The following IREB2 variants were observed in gnomAD, a reference collection of about 807,000 sequenced individuals.
IREB2 encodes iron-responsive element-binding protein 2.
In IREB2, 39 loss-of-function variants were observed where a neutral mutation model predicts 118.8. That is an observed-to-expected ratio of 0.33 (90% CI 0.25 to 0.43). The LOEUF is 0.43. Ranked by LOEUF, IREB2 falls within the 20% of genes least tolerant of loss-of-function variation. The probability of loss-of-function intolerance (pLI) is 1.00; values close to 1 mark genes in which losing one functional copy is unlikely to be tolerated. For missense variants in IREB2, 900 were observed against 1,147.3 expected, an observed-to-expected ratio of 0.78 and a Z score of 3.11; for synonymous variants, 372 against 392.2, an observed-to-expected ratio of 0.95 and a Z score of 0.61.
chr15:78,447,802 C>G (rs2050956556), intron 2 of IREB2, among the ~76,000 whole-genome samples: 1 of 152,090 alleles, frequency 6.6e-6, no homozygotes, highest in African/African-American at 2.4e-5. Flanking sequence ...CATCTGTTTT[C>G]TGCCTTCTCC....
rs776076291 is a variant in IREB2, at chr15:78,462,963, G to A, written c.148G>A (p.Val50Ile). 6.2e-7 allele frequency: 1 copy of A among 1,613,024 alleles called. No homozygotes were observed. The highest frequency in any genetic ancestry group is 1.1e-5 in the South Asian group (1 of 90,866). Reference sequence around the variant, plus strand: ...AATACGGGTCTTGTTGGAAGCTGCTGTACGAAATTGTGATGGCTTTTTAAT... The same window carrying A: ...AATACGGGTCTTGTTGGAAGCTGCTATACGAAATTGTGATGGCTTTTTAAT... Reference protein sequence around the residue: ...YSIRVLLEAAVRNCDGFLMKK... With the variant: ...YSIRVLLEAAIRNCDGFLMKK... The change falls in exon 3 of 22, where the codon GTA (valine) becomes ATA (isoleucine). Residue 50 changes from valine (V) to isoleucine (I), a missense_variant. By Grantham distance (29) the Val-to-Ile change is conservative. Transcript: ENST00000258886.
chr15:78,469,957 G>T (rs536281795), intron 5 of IREB2, among the ~76,000 whole-genome samples: 2 of 152,198 alleles, frequency 1.3e-5, no homozygotes, highest in African/African-American at 4.8e-5. Flanking sequence ...AATTATTTTT[G>T]TCTCTTAGTT....
At chr15:78,479,694 G>A (rs2141503669) in intron 10 of IREB2, among the ~76,000 whole-genome samples, 1 of 152,024 alleles carries the variant, frequency 6.6e-6, no homozygotes, top group Non-Finnish European at 1.5e-5. Flanking sequence ...GCAAAATTCC[G>A]CTATTAAAGG....
Position 78,465,241 on chromosome 15 carries a change from T to A in IREB2, c.273-10T>A, listed in dbSNP as rs1249848448. 1 of 1,598,040 alleles carries A rather than the reference T, an allele frequency of 6.3e-7. No individual in the cohort carries two copies. The highest frequency in any genetic ancestry group is 1.3e-5 in the African/African-American group (1 of 74,268). ...TTTGGACTATAATTTGACCATTCTT[T>A]ATTTTTTAGTGGAATACCAGCAATG... On this transcript the variant is annotated splice_polypyrimidine_tract_variant and intron_variant, in intron 3 of 21. Transcript: ENST00000258886.
chr15:78,498,816 G>A lies in IREB2; in HGVS notation c.*673G>A, dbSNP rs964935280. On this transcript the variant is annotated 3_prime_UTR_variant, in exon 22 of 22. Transcript: ENST00000258886. Reference sequence around the variant, plus strand: ...ACTGATTGTGTGGCACCATGTATTAGCAGTGGGAATATGTATCACATATGA... The same window carrying A: ...ACTGATTGTGTGGCACCATGTATTAACAGTGGGAATATGTATCACATATGA... 1 of 152,192 alleles carries A rather than the reference G, an allele frequency of 6.6e-6. No individual in the cohort carries two copies. Among genetic ancestry groups the A allele is most frequent in the African/African-American group, 2.4e-5 (1 of 41,438 alleles). 9.4% of individuals were successfully genotyped at this position (152,192 alleles called of 1,614,324 possible).
At chr15:78,484,414 G>A (rs2051624971) in intron 11 of IREB2, among the ~76,000 whole-genome samples, 1 of 152,068 alleles carries the variant, frequency 6.6e-6, no homozygotes, top group Admixed American at 6.6e-5. Context: ...AATCTTCGGG[G>A]TCATTTTAAC....
chr15:78,472,026 T>TATA, intron 7 of IREB2, 102 bp downstream of exon 7: 3 of 812,442 alleles, frequency 3.7e-6, no homozygotes, highest in Non-Finnish European at 3.6e-6. Context: ...TCTTTGAGGC[T>TATA]CTGTGTTTTT....
chr15:78,487,691 T>G lies in IREB2; in HGVS notation c.1710-42T>G. 3.9e-6 allele frequency: 4 copies of G among 1,018,010 alleles called. No homozygotes were observed. In the East Asian group the frequency reaches 9.5e-5, roughly 24 times the overall value. 63.1% of individuals were successfully genotyped at this position (1,018,010 alleles called of 1,614,324 possible). On this transcript the variant is annotated intron_variant, in intron 13 of 21. Transcript: ENST00000258886. ...ATAAGACTTGTCCTTTCTCTATAAATGTTGTGATGTGCTATTCAGTCACTT... is the reference window on the plus strand; with the variant it reads ...ATAAGACTTGTCCTTTCTCTATAAAGGTTGTGATGTGCTATTCAGTCACTT...
At chr15:78,493,108 A>G (rs138228705) in intron 18 of IREB2, among the ~76,000 whole-genome samples, 2 of 152,206 alleles carry the variant, frequency 1.3e-5, no homozygotes, top group Non-Finnish European at 2.9e-5. Flanking sequence ...TGTGATTTAC[A>G]AGAACAGAAG....
chr15:78,470,614 C>A lies in IREB2; in HGVS notation c.699+13C>A, dbSNP rs2051359224. On this transcript the variant is annotated intron_variant, in intron 6 of 21. Transcript: ENST00000258886. ...TCAGTTTTTTAAGGTATAAATGATT[C>A]AGGGAAATTTTTGTATTGTAATATA... is the stretch of plus-strand genomic sequence containing the variant. The A allele has an allele frequency of 6.7e-7, 1 of 1,494,214 alleles. No homozygotes were observed. The highest frequency in any genetic ancestry group is 9.2e-7 in the Non-Finnish European group (1 of 1,092,268). The allele number at this position is 1,494,214 out of a possible 1,614,324, so 92.6% of individuals were successfully genotyped here.
At chr15:78,451,603 A>C (rs1369864885) in intron 2 of IREB2, among the ~76,000 whole-genome samples, 5 of 152,208 alleles carry the variant, frequency 3.3e-5, no homozygotes, top group African/African-American at 1.2e-4. Context: ...CTACAGGTTG[A>C]GTATCCCTAA....
chr15:78,457,607 A>G (rs2051127221), intron 2 of IREB2, among the ~76,000 whole-genome samples: 1 of 151,950 alleles, frequency 6.6e-6, no homozygotes, highest in Non-Finnish European at 1.5e-5. Context: ...GATTTCCTAA[A>G]CTTTGTTTCT....
At chr15:78,459,164 C>T (rs1378519829) in intron 2 of IREB2, among the ~76,000 whole-genome samples, 1 of 152,086 alleles carries the variant, frequency 6.6e-6, no homozygotes, top group Non-Finnish European at 1.5e-5. Context: ...AATTGTCAGC[C>T]ATTTATCAGC....
chr15:78,464,632 G>A (rs1436707186), intron 3 of IREB2, among the ~76,000 whole-genome samples: 1 of 152,132 alleles, frequency 6.6e-6, no homozygotes, highest in Non-Finnish European at 1.5e-5. Context: ...CACCTAGGCT[G>A]GAGTGTAGTG....
Position 78,498,752 on chromosome 15 carries a change from G to T in IREB2, c.*609G>T, listed in dbSNP as rs117082176. 386 of 152,422 alleles carry T rather than the reference G, an allele frequency of 2.5e-3. No homozygotes were observed. The highest frequency in any genetic ancestry group is 4.3e-3 in the Non-Finnish European group (292 of 68,058). 9.4% of individuals were successfully genotyped at this position (152,422 alleles called of 1,614,324 possible). On this transcript the variant is annotated 3_prime_UTR_variant, in exon 22 of 22. Coordinates refer to ENST00000258886, the MANE Select transcript of IREB2 (RefSeq NM_004136.4). ...AATCATTCTGTCCAATCCAGCCAAG[G>T]TTCCCTCCACATATGAAGATGGACC... is the stretch of plus-strand genomic sequence containing the variant.
intron 2 of IREB2, among the ~76,000 whole-genome samples, chr15:78,457,229 A>G (rs1475357208): frequency 6.6e-6 from 1 of 151,110 alleles, no homozygotes; most frequent in Non-Finnish European, 1.5e-5. Context: ...TCTATTGGTT[A>G]TTTTTTTTTC....
At chr15:78,444,261 A>G (rs1408826454) in intron 2 of IREB2, among the ~76,000 whole-genome samples, 6 of 152,160 alleles carry the variant, frequency 3.9e-5, no homozygotes, top group Non-Finnish European at 7.3e-5. Context: ...TGGAGAAATC[A>G]GTGGTGTCTC....
At chr15:78,438,208 AT>A (rs1567157902), upstream of IREB2, 2 of 722,922 alleles carry the variant, frequency 2.8e-6, no homozygotes, top group Non-Finnish European at 2.5e-6. Context: ...CTCTCGCGAT[AT>A]TTGCGCGAGC....
intron 18 of IREB2, among the ~76,000 whole-genome samples, chr15:78,493,433 T>C (rs1196613925): frequency 2.0e-5 from 3 of 152,198 alleles, no homozygotes; most frequent in Non-Finnish European, 4.4e-5. Flanking sequence ...GATGTATAAG[T>C]GGACCCACAC....
Sources: allele counts gnomAD v4.1 joint callset (sites outside exome capture counted in the v4.1 genomes callset), GRCh38; gene constraint gnomAD v4.1.1; transcripts MANE v1.5; gene names NCBI Gene and HGNC (gene_info 2026-07-23, HGNC 2026-07-21).